Variants in SCAPER observed in about 807,000 individuals in gnomAD.
SCAPER encodes S-phase cyclin A associated protein in the ER.
SCAPER carries 98 observed loss-of-function variants against 182.2 expected under a neutral mutation model. The ratio of observed to expected loss-of-function variants is 0.54; its 90% confidence interval spans 0.46 to 0.64. SCAPER has a LOEUF of 0.64. Ranked by LOEUF, SCAPER falls within the 30% of genes least tolerant of loss-of-function variation. SCAPER has a pLI of 0.00. For missense variants in SCAPER, 1,432 were observed against 1,690.0 expected (o/e 0.85, Z 2.68); for synonymous variants, 605 against 564.6 (o/e 1.07, Z -1.01).
chr15:76,360,820 A>G (rs1401985350), intron 29 of SCAPER, among the ~76,000 whole-genome samples: 1 of 152,164 alleles, frequency 6.6e-6, no homozygotes, highest in Non-Finnish European at 1.5e-5. Flanking sequence ...TGGTGATGGG[A>G]CTAGATTCTC....
chr15:76,649,783 C>G (rs1016083159), intron 21 of SCAPER, among the ~76,000 whole-genome samples: 1 of 151,014 alleles, frequency 6.6e-6, no homozygotes, highest in Non-Finnish European at 1.5e-5. Flanking sequence ...AAATTTCATT[C>G]AAAAATAAAG....
intron 22 of SCAPER, among the ~76,000 whole-genome samples, chr15:76,614,515 CA>C (rs1020393251): frequency 6.6e-6 from 1 of 151,866 alleles, no homozygotes; most frequent in Non-Finnish European, 1.5e-5. Flanking sequence ...AAATTTGTAA[CA>C]AAAAAACAAA....
intron 20 of SCAPER, among the ~76,000 whole-genome samples, chr15:76,700,660 C>A (rs1390511173): frequency 6.6e-6 from 1 of 152,174 alleles, no homozygotes; most frequent in Non-Finnish European, 1.5e-5. Context: ...ATCTAGTCAG[C>A]CATCTTGGCT....
chr15:76,637,018 C>G (rs992738679), intron 21 of SCAPER, among the ~76,000 whole-genome samples: 14 of 152,000 alleles, frequency 9.2e-5, no homozygotes, highest in African/African-American at 3.1e-4. Flanking sequence ...AATTCATACA[C>G]TATATAATCC....
chr15:76,629,628 T>C (rs2052915432), intron 21 of SCAPER, among the ~76,000 whole-genome samples: 1 of 152,232 alleles, frequency 6.6e-6, no homozygotes, highest in African/African-American at 2.4e-5. Flanking sequence ...TTGTGGTGGA[T>C]AAGCTTTTTC....
intron 22 of SCAPER, among the ~76,000 whole-genome samples, chr15:76,613,917 C>T (rs2145975219): frequency 6.6e-6 from 1 of 152,080 alleles, no homozygotes; most frequent in East Asian, 1.9e-4. Context: ...GGACATATAT[C>T]CAAAGGAATA....
Position 76,665,789 on chromosome 15 carries a change from C to A in SCAPER, c.2509G>T (p.Glu837Ter). ...QGRELSDEEV[E>*]HLSLKKYIID... ...ATGTACTTCTTCAAGGAAAGATGCTCCTGCAAGATAAATAAATAAAATAAT... is the reference window on the plus strand; with the variant it reads ...ATGTACTTCTTCAAGGAAAGATGCTACTGCAAGATAAATAAATAAAATAAT... Residue 837 changes from glutamate to a stop codon, truncating the protein, a stop_gained and splice_region_variant, in exon 21 of 32, where the codon GAG becomes TAG. Coordinates refer to ENST00000563290, the MANE Select transcript of SCAPER (RefSeq NM_020843.4). LOFTEE classifies it high-confidence loss of function. 1.3e-6 allele frequency: 2 copies of A among 1,503,026 alleles called. No individual in the cohort carries two copies. Among genetic ancestry groups the A allele is most frequent in the Non-Finnish European group, 1.8e-6 (2 of 1,129,982 alleles). The allele number at this position is 1,503,026 out of a possible 1,614,324, so 93.1% of individuals were successfully genotyped here. A position where few individuals can be genotyped will look rare whatever the true frequency, so the allele number is the denominator to read the frequency against.
At chr15:76,808,701 A>G (rs1438293713) in intron 5 of SCAPER, among the ~76,000 whole-genome samples, 1 of 152,248 alleles carries the variant, frequency 6.6e-6, no homozygotes, top group Non-Finnish European at 1.5e-5. Context: ...GGGACTATCC[A>G]CAACTTCACC....
intron 23 of SCAPER, among the ~76,000 whole-genome samples, chr15:76,526,573 T>C (rs565468670): frequency 6.6e-6 from 1 of 152,320 alleles, no homozygotes; most frequent in South Asian, 2.1e-4. Flanking sequence ...TACTCTATCA[T>C]TCTGAACCAT....
intron 23 of SCAPER, among the ~76,000 whole-genome samples, chr15:76,507,017 T>C (rs2041642912): frequency 6.6e-6 from 1 of 152,122 alleles, no homozygotes; most frequent in African/African-American, 2.4e-5. Context: ...ATCAATGCAA[T>C]ATATATGTAA....
intron 8 of SCAPER, chr15:76,793,316 G>C (rs1167385965): frequency 1.3e-6 from 1 of 759,320 alleles, no homozygotes; most frequent in East Asian, 2.7e-5. Flanking sequence ...TTCCCAAAAT[G>C]ATGTGTCTTT....
chr15:76,868,048 A>C (rs1354254302), intron 2 of SCAPER, among the ~76,000 whole-genome samples: 2 of 152,316 alleles, frequency 1.3e-5, no homozygotes, highest in East Asian at 3.9e-4. Flanking sequence ...GATAAAAAAA[A>C]AAATTTAGTC....
chr15:76,840,814 TA>T (rs1489828485), intron 5 of SCAPER, among the ~76,000 whole-genome samples: 1 of 152,218 alleles, frequency 6.6e-6, no homozygotes, highest in Admixed American at 6.5e-5. Context: ...CCAGGCTTTT[TA>T]GATAGAGACA....
intron 5 of SCAPER, among the ~76,000 whole-genome samples, chr15:76,813,938 T>C (rs2066869273): frequency 6.6e-6 from 1 of 152,028 alleles, no homozygotes; most frequent in Non-Finnish European, 1.5e-5. Flanking sequence ...GAGGCCAAGG[T>C]GGGCAGATTA....
At chr15:76,570,476 T>A (rs913991433) in intron 23 of SCAPER, among the ~76,000 whole-genome samples, 1 of 152,188 alleles carries the variant, frequency 6.6e-6, no homozygotes, top group Admixed American at 6.6e-5. Context: ...CAGTTCAGTT[T>A]TATTTCATAT....
chr15:76,801,853 G>C (rs375867515), intron 6 of SCAPER, among the ~76,000 whole-genome samples: 1 of 150,612 alleles, frequency 6.6e-6, no homozygotes, highest in East Asian at 2.0e-4. Flanking sequence ...AGGTTGCAGC[G>C]AGCCAAGATG....
chr15:76,614,640 A>G (rs745849755), intron 22 of SCAPER, among the ~76,000 whole-genome samples: 1 of 152,222 alleles, frequency 6.6e-6, no homozygotes, highest in Non-Finnish European at 1.5e-5. Flanking sequence ...AAAGCACAAC[A>G]TATCAAAATG....
Position 76,429,657 on chromosome 15 carries a change from A to C in SCAPER, c.3311+4421T>G, listed in dbSNP as rs144478119. Among the ~76,000 whole-genome samples, 229 of 152,272 alleles carry C rather than the reference A, an allele frequency of 1.5e-3. 2 individuals are homozygous for C. The highest frequency in any genetic ancestry group is 5.0e-3 in the African/African-American group (208 of 41,574). ...AGGGTATCTGGCAGAAGAAATTTCT[A>C]AGCAGCAAAGCATTCAAGGGGTGAC... On this transcript the variant is annotated intron_variant, in intron 26 of 31. Transcript: ENST00000563290.
intron 23 of SCAPER, among the ~76,000 whole-genome samples, chr15:76,506,116 C>T (rs138533234): frequency 9.4e-4 from 141 of 150,448 alleles, no homozygotes; most frequent in African/African-American, 3.2e-3. Context: ...GTGGGGGGGA[C>T]GGGGTAATGG....
Sources: allele counts gnomAD v4.1 joint callset (sites outside exome capture counted in the v4.1 genomes callset), GRCh38; gene constraint gnomAD v4.1.1; transcripts MANE v1.5; gene names NCBI Gene and HGNC (gene_info 2026-07-23, HGNC 2026-07-21).